Variants in ADARB1 observed in about 807,000 individuals in gnomAD.
ADARB1 encodes double-stranded RNA-specific editase 1.
A neutral mutation model predicts 52.4 loss-of-function variants in ADARB1; 10 were observed. The ratio of observed to expected loss-of-function variants is 0.19; its 90% CI spans 0.12 to 0.32. ADARB1 has a LOEUF of 0.32. Among genes scored for constraint, ADARB1 ranks in the 10% least tolerant of loss-of-function variants. The probability of loss-of-function intolerance (pLI) is 1.00; values close to 1 mark genes in which losing one functional copy is unlikely to be tolerated. For missense variants in ADARB1, 643 were observed against 922.3 expected (o/e 0.70, Z 3.92); for synonymous variants, 349 against 371.1 (o/e 0.94, Z 0.68).
chr21:45,198,496 A>G, intron 8 of ADARB1, among the ~76,000 whole-genome samples: 1 of 113,396 alleles, frequency 8.8e-6, no homozygotes, highest in Non-Finnish European at 2.0e-5. Flanking sequence ...ATTAAATTAA[A>G]TCACACACAC....
At chr21:45,147,943 G>A (rs939893225) in intron 2 of ADARB1, among the ~76,000 whole-genome samples, 12 of 151,552 alleles carry the variant, frequency 7.9e-5, no homozygotes, top group African/African-American at 1.9e-4. Context: ...AGGCTGCCGC[G>A]CCTGTGCCAA....
rs778603815 is a variant in ADARB1 at position 45,222,215 on chromosome 21, G to A, written c.*18G>A. 2.0e-6 allele frequency: 3 copies of A among 1,535,740 alleles called. No individual in the cohort carries two copies. Among genetic ancestry groups the A allele is most frequent in the East Asian group, 2.3e-5 (1 of 43,698 alleles). The stretch of plus-strand genomic sequence containing the variant: ...CGCCCTGACCCGGGCAGACATGATG[G>A]GGGGTGCAGGGGGCTGTGGGCATCC... On this transcript the variant is annotated 3_prime_UTR_variant, in exon 11 of 11. Transcript: ENST00000348831.
chr21:45,111,545 G>T (rs990401852), intron 1 of ADARB1, among the ~76,000 whole-genome samples: 1 of 152,144 alleles, frequency 6.6e-6, no homozygotes, highest in Non-Finnish European at 1.5e-5. Flanking sequence ...CATTTATGAC[G>T]ATATGGATCC....
chr21:45,079,698 C>CT (rs2086078919), intron 1 of ADARB1, among the ~76,000 whole-genome samples: 1 of 152,082 alleles, frequency 6.6e-6, no homozygotes, highest in African/African-American at 2.4e-5. Flanking sequence ...TGTAAAGTAC[C>CT]TAAAATAGTA....
chr21:45,105,569 A>G (rs182785658), intron 1 of ADARB1, among the ~76,000 whole-genome samples: 2 of 152,366 alleles, frequency 1.3e-5, no homozygotes, highest in Admixed American at 1.3e-4. Flanking sequence ...TTAACTGAAT[A>G]TATTTTAAAA....
intron 1 of ADARB1, among the ~76,000 whole-genome samples, chr21:45,127,750 A>G (rs1487096761): frequency 6.6e-6 from 1 of 152,092 alleles, no homozygotes; most frequent in Non-Finnish European, 1.5e-5. Context: ...GGAACTCTGC[A>G]ATGGAGAAAC....
intron 8 of ADARB1, among the ~76,000 whole-genome samples, chr21:45,197,441 G>A (rs1021076135): frequency 7.3e-5 from 11 of 150,778 alleles, no homozygotes; most frequent in Non-Finnish European, 1.3e-4. Context: ...TAGAGGTTGT[G>A]GTGAGCTGAG....
rs2092702350 is a variant in ADARB1, at chr21:45,208,266, C to T, written c.1747+3530C>T. 6.6e-6 allele frequency among the ~76,000 whole-genome samples: 1 copy of T among 152,158 alleles called. No individual in the cohort carries two copies. On this transcript the variant is annotated intron_variant, in intron 9 of 10. Transcript: ENST00000348831. This position sits in a 1 kb window ranked among gnomAD's most constrained non-coding sequence, Gnocchi z 5.6. ...ATGCCGCATGCGATGGCTCTGGGGA[C>T]CTTGTTGACAGACAGCCTGCTCCGG...
rs192233885 is a variant in ADARB1, at chr21:45,221,202, T to A, written c.1926+188T>A. On this transcript the variant is annotated intron_variant, in intron 10 of 10. Coordinates refer to ENST00000348831, the MANE Select transcript of ADARB1 (RefSeq NM_001112.4). The surrounding 1 kb of genome is among the most constrained non-coding windows in gnomAD (Gnocchi z 4.9). ...TGTGGCTACGTCCCTGAAACCTTAA[T>A]GCCATCTCAAAGGCAGCTCTTTTCC... Among the ~76,000 whole-genome samples the A allele has an allele frequency of 8.0e-4, 122 of 152,390 alleles. No individual in the cohort carries two copies. The highest frequency in any genetic ancestry group is 2.9e-3 in the African/African-American group (119 of 41,596).
rs749109903 is a variant in ADARB1, at chr21:45,142,383, G to A, written c.-48+13810G>A. Among the ~76,000 whole-genome samples, 3 of 152,198 alleles carry A rather than the reference G, an allele frequency of 2.0e-5. No homozygotes were observed. Among genetic ancestry groups the A allele is most frequent in the Non-Finnish European group, 4.4e-5 (3 of 68,036 alleles). On this transcript the variant is annotated intron_variant, in intron 2 of 10. Coordinates refer to ENST00000348831, the MANE Select transcript of ADARB1 (RefSeq NM_001112.4). The surrounding 1 kb of genome is among the most constrained non-coding windows in gnomAD (Gnocchi z 4.0). ...TTGTTTGAAGAAGTAGAGGAATGTTGCAAGTAGACTGAAAGTTATACTTAG... is the reference window on the plus strand; with the variant it reads ...TTGTTTGAAGAAGTAGAGGAATGTTACAAGTAGACTGAAAGTTATACTTAG...
intron 2 of ADARB1, among the ~76,000 whole-genome samples, chr21:45,168,760 G>A (rs1422175657): frequency 6.6e-6 from 1 of 151,866 alleles, no homozygotes; most frequent in Admixed American, 6.6e-5. Flanking sequence ...TTTTTATGGT[G>A]GTTACATTAA....
At chr21:45,108,193 A>G (rs749314012) in intron 1 of ADARB1, among the ~76,000 whole-genome samples, 8 of 152,258 alleles carry the variant, frequency 5.3e-5, no homozygotes, top group Non-Finnish European at 1.2e-4. Context: ...AAGAAACCCG[A>G]AATTCTAGGA....
intron 5 of ADARB1, among the ~76,000 whole-genome samples, chr21:45,182,205 T>G (rs1005593140): frequency 6.6e-6 from 1 of 152,256 alleles, no homozygotes; most frequent in Non-Finnish European, 1.5e-5. Flanking sequence ...ATATTTGATG[T>G]CAAGATTAAT....
At position 45,219,593 on chromosome 21, in the gene ADARB1, A is replaced by G. The variant is rs141523211; in HGVS notation, c.1748-1243A>G. 1.7e-3 allele frequency among the ~76,000 whole-genome samples: 256 copies of G among 152,318 alleles called. 1 individual carries two copies. Among genetic ancestry groups the G allele is most frequent in the African/African-American group, 5.9e-3 (247 of 41,578 alleles). On this transcript the variant is annotated intron_variant, in intron 9 of 10. Coordinates refer to ENST00000348831, the MANE Select transcript of ADARB1 (RefSeq NM_001112.4). ...GTCTTTCTTACATTAGTAACTGAAGAAAAATTCCTTAAGCATGCCCCTTAA... is the reference window on the plus strand; with the variant it reads ...GTCTTTCTTACATTAGTAACTGAAGGAAAATTCCTTAAGCATGCCCCTTAA...
chr21:45,083,787 T>G (rs2086237801), intron 1 of ADARB1, among the ~76,000 whole-genome samples: 1 of 152,192 alleles, frequency 6.6e-6, no homozygotes, highest in African/African-American at 2.4e-5. Context: ...CACAACCTCC[T>G]GGGTTCAAGC....
chr21:45,221,918 G>A lies in ADARB1; in HGVS notation c.1927-100G>A. Reference sequence around the variant, plus strand: ...CCTCTGGGTTGCTTTCCCCCCAGAAGCCAATGCAGTTCTGAAGGCCATGTT... The same window carrying A: ...CCTCTGGGTTGCTTTCCCCCCAGAAACCAATGCAGTTCTGAAGGCCATGTT... On this transcript the variant is annotated intron_variant, in intron 10 of 10. Coordinates refer to ENST00000348831, the MANE Select transcript of ADARB1 (RefSeq NM_001112.4). The surrounding 1 kb of genome is among the most constrained non-coding windows in gnomAD (Gnocchi z 4.9). 1 of 1,332,378 alleles carries A rather than the reference G, an allele frequency of 7.5e-7. No homozygotes were observed. The highest frequency in any genetic ancestry group is 1.0e-6 in the Non-Finnish European group (1 of 964,932). 82.5% of individuals were successfully genotyped at this position (1,332,378 alleles called of 1,614,324 possible). A position where few individuals can be genotyped will look rare whatever the true frequency, so the allele number is the denominator to read the frequency against.
intron 1 of ADARB1, among the ~76,000 whole-genome samples, chr21:45,081,661 G>C (rs2838771): frequency 0.72 from 110,082 of 152,160 alleles, 40,462 homozygotes; most frequent in East Asian, 0.88. Context: ...CGAGGAGACA[G>C]GGCTGAGGTA....
At chr21:45,147,160 T>G (rs2090050741) in intron 2 of ADARB1, among the ~76,000 whole-genome samples, 1 of 152,172 alleles carries the variant, frequency 6.6e-6, no homozygotes, top group African/African-American at 2.4e-5. Context: ...CAGTGTGGAG[T>G]CATTTTTCAT....
At position 45,223,165 on chromosome 21, in the gene ADARB1, C is replaced by A; in HGVS notation, c.*968C>A. The A allele has an allele frequency of 1.0e-6, 1 of 985,490 alleles. No individual in the cohort carries two copies. Among genetic ancestry groups the A allele is most frequent in the Non-Finnish European group, 1.2e-6 (1 of 829,946 alleles). The allele number at this position is 985,490 out of a possible 1,614,324, so 61.0% of individuals were successfully genotyped here. A position where few individuals can be genotyped will look rare whatever the true frequency, so the allele number is the denominator to read the frequency against. ...TGGATGTGGGTGACCGCCCGAAGGC[C>A]TTCACAGGATGGAAGTAGAATGATT... On this transcript the variant is annotated 3_prime_UTR_variant, in exon 11 of 11. Transcript: ENST00000348831.
Sources: allele counts gnomAD v4.1 joint callset (sites outside exome capture counted in the v4.1 genomes callset), GRCh38; gene constraint gnomAD v4.1.1; non-coding constraint Gnocchi (gnomAD v3.1); transcripts MANE v1.5; gene names NCBI Gene and HGNC (gene_info 2026-07-23, HGNC 2026-07-21).